The following ZSCAN20 variants were observed in gnomAD, a reference collection of about 807,000 sequenced individuals.
ZSCAN20 encodes zinc finger and SCAN domain-containing protein 20.
A neutral mutation model predicts 97.1 loss-of-function variants in ZSCAN20; 39 were observed. That is an observed-to-expected ratio of 0.40 (90% confidence interval 0.31 to 0.52). ZSCAN20 has a LOEUF of 0.52. ZSCAN20 is among the 20% of genes least tolerant of loss of function. The pLI is 0.49. For missense variants in ZSCAN20, 1,115 were observed against 1,290.4 expected, an observed-to-expected ratio of 0.86 and a Z score of 2.08; for synonymous variants, 456 against 467.3, an observed-to-expected ratio of 0.98 and a Z score of 0.31.
intron 2 of ZSCAN20, among the ~76,000 whole-genome samples, chr1:33,481,548 A>T (rs1553121800): frequency 6.6e-6 from 1 of 152,230 alleles, no homozygotes; most frequent in Non-Finnish European, 1.5e-5. Context: ...AAACAAATGG[A>T]CAAGTAGCAG....
At chr1:33,480,748 C>T (rs1288007137) in intron 2 of ZSCAN20, among the ~76,000 whole-genome samples, 1 of 152,202 alleles carries the variant, frequency 6.6e-6, no homozygotes, top group Non-Finnish European at 1.5e-5. Flanking sequence ...ATGGATTTAA[C>T]ATTCGCAGTT....
rs34549868 is a variant in ZSCAN20 at position 33,501,536 on chromosome 1, A to ATTTTTTTTTTTTT, written c.*6062_*6074dup. Among the ~76,000 whole-genome samples, 9 of 136,742 alleles carry ATTTTTTTTTTTTT rather than the reference A, an allele frequency of 6.6e-5. No homozygotes were observed. Among genetic ancestry groups the ATTTTTTTTTTTTT allele is most frequent in the Non-Finnish European group, 9.3e-5 (6 of 64,218 alleles). The allele number at this position is 136,742 out of a possible 152,430, so 89.7% of individuals were successfully genotyped here. The stretch of plus-strand genomic sequence containing the variant: ...TGCTTTCACTTCCCCATTTTCTGTT[A>ATTTTTTTTTTTTT]TTTTTTTTTTTTTTGTGCTGTTATG... On this transcript the variant is annotated 3_prime_UTR_variant, in exon 8 of 8. Transcript: ENST00000684572.
chr1:33,481,401 G>T (rs1652152036), intron 2 of ZSCAN20, among the ~76,000 whole-genome samples: 2 of 152,202 alleles, frequency 1.3e-5, no homozygotes, highest in African/African-American at 4.8e-5. Flanking sequence ...CCTGTGAGCT[G>T]ACCAAAAGTT....
intron 1 of ZSCAN20, among the ~76,000 whole-genome samples, chr1:33,477,243 T>G (rs1651971189): frequency 6.6e-6 from 1 of 152,208 alleles, no homozygotes; most frequent in African/African-American, 2.4e-5. Context: ...TGAGTTGTGC[T>G]TTAAGCCTCT....
At position 33,499,227 on chromosome 1, in the gene ZSCAN20, G is replaced by T. The variant is rs1243863200; in HGVS notation, c.*3751G>T. ...GTTTTGAAGTAATGAAGGCAGTGAT[G>T]TCTGGAGTGGGTGTGGGTGTTGCAG... is the stretch of plus-strand genomic sequence containing the variant. On this transcript the variant is annotated 3_prime_UTR_variant, in exon 8 of 8. Transcript: ENST00000684572. Among the ~76,000 whole-genome samples the T allele has an allele frequency of 3.9e-5, 6 of 152,232 alleles. No individual in the cohort carries two copies. Among genetic ancestry groups the T allele is most frequent in the African/African-American group, 1.4e-4 (6 of 41,458 alleles).
intron 1 of ZSCAN20, 70 bp from the exon 2 acceptor site, chr1:33,479,109 T>C (rs964995372): frequency 3.2e-5 from 20 of 616,102 alleles, no homozygotes; most frequent in South Asian, 2.2e-4. Context: ...GCGGAAGATA[T>C]GGGGGAAGGG....
rs760282655 is a variant in ZSCAN20 at position 33,479,512 on chromosome 1, T to A, written c.224T>A (p.Leu75His). ...GAGGCCTTCAGCCAGCTCTGGGCTC[T>A]CTGCTGTCGTTGGCTGAGGCCGGAG... The part of the protein sequence containing the change: ...PHEAFSQLWA[L>H]CCRWLRPEIR... Residue 75 changes from leucine (L) to histidine (H), a missense_variant, in exon 2 of 8, where the codon CTC becomes CAC. Physicochemically the swap from Leu to His is moderately conservative, Grantham distance 99. Transcript: ENST00000684572. The A allele has an allele frequency of 2.5e-6, 4 of 1,613,222 alleles. No individual in the cohort carries two copies. The highest frequency in any genetic ancestry group is 2.5e-6 in the Non-Finnish European group (3 of 1,179,424).
At chr1:33,490,869 C>A (rs974551966) in intron 5 of ZSCAN20, among the ~76,000 whole-genome samples, 156 bp from the exon 6 acceptor site, 2 of 152,190 alleles carry the variant, frequency 1.3e-5, no homozygotes, top group African/African-American at 4.8e-5. Context: ...CGTGTTACCT[C>A]TTCTCTCTCC....
At chr1:33,480,929 C>T (rs1652131759) in intron 2 of ZSCAN20, among the ~76,000 whole-genome samples, 1 of 152,158 alleles carries the variant, frequency 6.6e-6, no homozygotes, top group Non-Finnish European at 1.5e-5. Context: ...GTTAGTAATT[C>T]TTGTGATATT....
Position 33,478,734 on chromosome 1 carries a change from T to A in ZSCAN20, c.-110-445T>A, listed in dbSNP as rs75321889. Among the ~76,000 whole-genome samples, 564 of 151,778 alleles carry A rather than the reference T, an allele frequency of 3.7e-3. 2 individuals are homozygous for A. The highest frequency in any genetic ancestry group is 6.6e-3 in the Non-Finnish European group (447 of 67,936). ...GGGAAGAAAGGCCTTAGGAAGGGGGTGACATTTGGAACCCAACTTGAGGGA... is the reference window on the plus strand; with the variant it reads ...GGGAAGAAAGGCCTTAGGAAGGGGGAGACATTTGGAACCCAACTTGAGGGA... On this transcript the variant is annotated intron_variant, in intron 1 of 7. Coordinates refer to ENST00000684572, the MANE Select transcript of ZSCAN20 (RefSeq NM_001377376.1).
At chr1:33,490,393 A>G (rs1015681736) in intron 5 of ZSCAN20, among the ~76,000 whole-genome samples, 1 of 152,138 alleles carries the variant, frequency 6.6e-6, no homozygotes, top group African/African-American at 2.4e-5. Flanking sequence ...AGCTGTTGGG[A>G]TAGCAGTCCA....
At chr1:33,477,753 C>T (rs1246430698) in intron 1 of ZSCAN20, among the ~76,000 whole-genome samples, 1 of 151,134 alleles carries the variant, frequency 6.6e-6, no homozygotes, top group Non-Finnish European at 1.5e-5. Flanking sequence ...TTATTGAGTA[C>T]TTCCTATATG....
In ZSCAN20 at chr1:33,499,919, C is replaced by G. The variant is rs1236612170; in HGVS notation, c.*4443C>G. ...ATTTGGGCATTGCTCAGCTCCCCCA[C>G]CTGTTAATAGCAAACACCAATCTCA... On this transcript the variant is annotated 3_prime_UTR_variant, in exon 8 of 8. Transcript: ENST00000684572. 1.3e-5 allele frequency among the ~76,000 whole-genome samples: 2 copies of G among 152,094 alleles called. No homozygotes were observed. The highest frequency in any genetic ancestry group is 2.9e-5 in the Non-Finnish European group (2 of 68,022).
intron 5 of ZSCAN20, 36 bp from the exon 6 acceptor site, chr1:33,490,989 A>G: frequency 1.3e-6 from 2 of 1,544,270 alleles, no homozygotes; most frequent in Non-Finnish European, 1.7e-6. Flanking sequence ...CGCTCAACAG[A>G]CCATTTCTAC....
intron 2 of ZSCAN20, among the ~76,000 whole-genome samples, chr1:33,487,038 T>C (rs1179410934): frequency 6.6e-6 from 1 of 152,236 alleles, no homozygotes; most frequent in Non-Finnish European, 1.5e-5. Context: ...CAGAGCAGTA[T>C]ATCTAGTCAT....
At position 33,499,860 on chromosome 1, in the gene ZSCAN20, G is replaced by A. The variant is rs575440811; in HGVS notation, c.*4384G>A. ...GATCCTCCCACCTCAGCCTCCCAAA[G>A]CTCCCCTTAACCTCAGTTTTGATCC... On this transcript the variant is annotated 3_prime_UTR_variant, in exon 8 of 8. Transcript: ENST00000684572. 6.6e-6 allele frequency among the ~76,000 whole-genome samples: 1 copy of A among 152,134 alleles called. No homozygotes were observed. The highest frequency in any genetic ancestry group is 1.5e-5 in the Non-Finnish European group (1 of 67,994).
rs1287941221 is a variant in ZSCAN20 at position 33,491,021 on chromosome 1, G to A, written c.767-4G>A. On this transcript the variant is annotated splice_region_variant and splice_polypyrimidine_tract_variant and intron_variant, in intron 5 of 7. Transcript: ENST00000684572. This position sits in a 1 kb window ranked among gnomAD's most constrained non-coding sequence, Gnocchi z 4.3. ...CTACTCTGTCATTTCTCTTCCTTTT[G>A]TAGGAGTTCCAGTTTCAAAACCAAG... 1.3e-6 allele frequency: 2 copies of A among 1,589,634 alleles called. No individual in the cohort carries two copies. The highest frequency in any genetic ancestry group is 1.1e-5 in the South Asian group (1 of 88,286).
Position 33,496,219 on chromosome 1 carries a change from C to G in ZSCAN20, c.*743C>G, listed in dbSNP as rs905128333. On this transcript the variant is annotated 3_prime_UTR_variant, in exon 8 of 8. Coordinates refer to ENST00000684572, the MANE Select transcript of ZSCAN20 (RefSeq NM_001377376.1). The stretch of plus-strand genomic sequence containing the variant: ...TTCAACAGATCTGTCTGTCTTGAGT[C>G]TATCGTGCTCTTATTGCTATACTGA... 6.6e-6 allele frequency: 1 copy of G among 152,226 alleles called. No homozygotes were observed. The highest frequency in any genetic ancestry group is 2.1e-4 in the South Asian group (1 of 4,832). 9.4% of individuals were successfully genotyped at this position (152,226 alleles called of 1,614,324 possible).
chr1:33,484,789 T>C (rs192279904), intron 2 of ZSCAN20, among the ~76,000 whole-genome samples: 11 of 151,926 alleles, frequency 7.2e-5, no homozygotes, highest in African/African-American at 2.7e-4. Flanking sequence ...ACCCAGCTGA[T>C]TTTTGTATTT....
Sources: gnomAD v4.1 joint callset for allele counts (sites outside exome capture counted in the v4.1 genomes callset) on GRCh38, gnomAD v4.1.1 for gene constraint, Gnocchi (gnomAD v3.1) non-coding constraint, MANE v1.5 for transcripts, NCBI Gene and HGNC (gene_info 2026-07-23, HGNC 2026-07-21) for gene names.